Variants in NCAM2 observed in about 807,000 individuals in gnomAD.
NCAM2 encodes N-CAM-2.
In NCAM2, 30 loss-of-function variants were observed where a neutral mutation model predicts 98.1. The ratio of observed to expected loss-of-function variants is 0.31; its 90% confidence interval spans 0.23 to 0.41. The LOEUF is 0.41. Among genes scored for constraint, NCAM2 ranks in the 10% least tolerant of loss-of-function variants. NCAM2 has a pLI of 1.00. For missense variants in NCAM2, 867 were observed against 1,005.8 expected, an observed-to-expected ratio of 0.86 and a Z score of 1.87; for synonymous variants, 368 against 342.4, an observed-to-expected ratio of 1.07 and a Z score of -0.83.
At chr21:21,078,404 T>C (rs982759651) in intron 1 of NCAM2, among the ~76,000 whole-genome samples, 1 of 152,232 alleles carries the variant, frequency 6.6e-6, no homozygotes, top group African/African-American at 2.4e-5. Flanking sequence ...GTGATGTTCC[T>C]TTGGCTGTAG....
chr21:21,443,291 G>A (rs1322743135), intron 12 of NCAM2, among the ~76,000 whole-genome samples: 1 of 152,068 alleles, frequency 6.6e-6, no homozygotes, highest in African/African-American at 2.4e-5. Context: ...TGGGAGCCTG[G>A]GGAGGGATAA....
chr21:21,341,312 T>C (rs895905413), intron 8 of NCAM2, among the ~76,000 whole-genome samples: 3 of 152,136 alleles, frequency 2.0e-5, no homozygotes, highest in African/African-American at 7.2e-5. Flanking sequence ...TTCTTGAAGT[T>C]GATTTAGTAT....
chr21:21,479,927 T>C (rs1985678864), intron 15 of NCAM2, among the ~76,000 whole-genome samples: 1 of 152,134 alleles, frequency 6.6e-6, no homozygotes, highest in African/African-American at 2.4e-5. Context: ...CATTTATTAA[T>C]TTAAGAATTA....
At chr21:21,305,653 G>A (rs930743592) in intron 5 of NCAM2, among the ~76,000 whole-genome samples, 9 of 151,992 alleles carry the variant, frequency 5.9e-5, no homozygotes, top group African/African-American at 2.2e-4. Context: ...TGATCAGACT[G>A]GATAGAGTTT....
chr21:21,284,622 A>G (rs2147518583), intron 3 of NCAM2, among the ~76,000 whole-genome samples: 1 of 151,930 alleles, frequency 6.6e-6, no homozygotes, highest in East Asian at 1.9e-4. Flanking sequence ...TAATATTAAT[A>G]AAAATGTTTT....
chr21:21,023,359 A>G (rs553890805), intron 1 of NCAM2, among the ~76,000 whole-genome samples: 135 of 152,172 alleles, frequency 8.9e-4, no homozygotes, highest in African/African-American at 3.2e-3. Context: ...TCCCGTCTCT[A>G]CTAAAAGTGC....
chr21:21,488,902 G>C (rs1488372051), intron 15 of NCAM2, among the ~76,000 whole-genome samples: 3 of 151,916 alleles, frequency 2.0e-5, no homozygotes, highest in African/African-American at 7.3e-5. Context: ...TGATTAATCT[G>C]TGTAAGAGAT....
intron 1 of NCAM2, among the ~76,000 whole-genome samples, chr21:21,122,700 C>T (rs1320636290): frequency 6.6e-6 from 1 of 152,104 alleles, no homozygotes. Flanking sequence ...CCAAGGTAGC[C>T]CTGTGTTTTT....
intron 1 of NCAM2, among the ~76,000 whole-genome samples, chr21:21,250,878 A>T (rs1027255599): frequency 7.2e-5 from 11 of 152,200 alleles, no homozygotes; most frequent in African/African-American, 2.7e-4. Context: ...CTTGTATTTT[A>T]TTCATGGAAA....
intron 1 of NCAM2, among the ~76,000 whole-genome samples, chr21:21,234,666 G>A (rs985718509): frequency 1.3e-5 from 2 of 151,816 alleles, no homozygotes; most frequent in African/African-American, 2.4e-5. Flanking sequence ...TCATACATGC[G>A]ATTGTTTTCC....
At chr21:21,171,599 C>T (rs548578651) in intron 1 of NCAM2, among the ~76,000 whole-genome samples, 4 of 152,088 alleles carry the variant, frequency 2.6e-5, no homozygotes, top group South Asian at 4.1e-4. Context: ...CCCTTGACTG[C>T]CACAGACTGG....
At chr21:21,477,981 G>A (rs542387055) in intron 15 of NCAM2, among the ~76,000 whole-genome samples, 55 of 152,234 alleles carry the variant, frequency 3.6e-4, no homozygotes, top group Non-Finnish European at 7.2e-4. Flanking sequence ...GTTTTAAGAA[G>A]GCTCATAAAA....
At chr21:21,475,326 C>T (rs1435034403) in intron 14 of NCAM2, among the ~76,000 whole-genome samples, 1 of 152,046 alleles carries the variant, frequency 6.6e-6, no homozygotes, top group African/African-American at 2.4e-5. Context: ...TCCATTCCAC[C>T]TTCTCATTTT....
chr21:21,379,900 A>G (rs1555884395), intron 9 of NCAM2, among the ~76,000 whole-genome samples: 1 of 152,132 alleles, frequency 6.6e-6, no homozygotes, highest in Non-Finnish European at 1.5e-5. Context: ...CTGAGGACCA[A>G]GAAACCCAGT....
intron 15 of NCAM2, among the ~76,000 whole-genome samples, chr21:21,488,657 G>A (rs1036783378): frequency 6.6e-6 from 1 of 151,762 alleles, no homozygotes; most frequent in Non-Finnish European, 1.5e-5. Context: ...TAACATTTGA[G>A]TTTGTAGTAA....
chr21:21,425,586 T>C (rs2077199350), intron 11 of NCAM2, among the ~76,000 whole-genome samples: 2 of 151,700 alleles, frequency 1.3e-5, no homozygotes, highest in Admixed American at 1.3e-4. Flanking sequence ...GAGGTAAAAA[T>C]GGGAAAACCA....
chr21:21,366,220 T>G (rs895460227), intron 8 of NCAM2, among the ~76,000 whole-genome samples: 1 of 152,110 alleles, frequency 6.6e-6, no homozygotes, highest in Non-Finnish European at 1.5e-5. Context: ...AGTTAACATT[T>G]GTTTAATAGT....
intron 12 of NCAM2, among the ~76,000 whole-genome samples, chr21:21,450,337 A>G (rs147685188): frequency 1.5e-4 from 22 of 151,280 alleles, no homozygotes; most frequent in African/African-American, 5.1e-4. Context: ...GTGTCTTAAT[A>G]TCTTAGTCTC....
intron 1 of NCAM2, among the ~76,000 whole-genome samples, chr21:21,118,334 G>A (rs892969969): frequency 1.3e-5 from 2 of 152,074 alleles, no homozygotes; most frequent in African/African-American, 4.8e-5. Context: ...AGATGCAGCG[G>A]GGGGGCAGGC....
Sources: allele counts gnomAD v4.1 joint callset (sites outside exome capture counted in the v4.1 genomes callset), GRCh38; gene constraint gnomAD v4.1.1; transcripts MANE v1.5; gene names NCBI Gene and HGNC (gene_info 2026-07-23, HGNC 2026-07-21).